TMEM165: variants seen among roughly 807,000 people sequenced by gnomAD.
TMEM165 encodes the protein transmembrane protein 165.
Under a neutral mutation model 30.0 loss-of-function variants are expected in TMEM165, and 19 were observed. The observed-to-expected ratio is 0.63, with a 90% CI of 0.44 to 0.93. The LOEUF (loss-of-function observed/expected upper bound fraction) is 0.93. Among genes scored for constraint, TMEM165 ranks in the 40% least tolerant of loss-of-function variants. The pLI, the probability that TMEM165 is intolerant of heterozygous loss-of-function variation, is 0.00. For synonymous variants in TMEM165, 168 were observed against 162.9 expected, an observed-to-expected ratio of 1.03 and a Z score of -0.24; for missense variants, 340 against 417.0, an observed-to-expected ratio of 0.82 and a Z score of 1.61.
At chr4:55,410,185 A>C (rs1056586764) in intron 1 of TMEM165, among the ~76,000 whole-genome samples, 3 of 152,148 alleles carry the variant, frequency 2.0e-5, no homozygotes, top group African/African-American at 7.2e-5. Context: ...GTTTTGGTTC[A>C]GTAACTTGCC....
At chr4:55,419,290 C>T (rs1367202170) in intron 4 of TMEM165, among the ~76,000 whole-genome samples, 7 of 152,086 alleles carry the variant, frequency 4.6e-5, no homozygotes, top group Non-Finnish European at 1.0e-4. Context: ...CTGCTCTGGC[C>T]TAGGTGACTT....
chr4:55,448,771 A>G (rs779307261), intron 3 of TMEM165: 4 of 1,611,924 alleles, frequency 2.5e-6, no homozygotes, highest in Non-Finnish European at 2.5e-6. Context: ...ACAAAAACCA[A>G]AAAGTACCTG....
intron 3 of TMEM165, chr4:55,444,861 T>C (rs550752570): frequency 1.3e-5 from 19 of 1,439,238 alleles, no homozygotes; most frequent in Middle Eastern, 1.8e-4. Context: ...ACATGAAAAG[T>C]AAGCAGTATA....
intron 3 of TMEM165, among the ~76,000 whole-genome samples, chr4:55,447,020 ACCT>A (rs1449799353): frequency 2.0e-5 from 3 of 151,842 alleles, no homozygotes; most frequent in Non-Finnish European, 4.4e-5. Context: ...AAAATTTAGT[ACCT>A]CAACTCCCTC....
At chr4:55,421,211 G>A (rs1721962616) in intron 4 of TMEM165, among the ~76,000 whole-genome samples, 1 of 139,270 alleles carries the variant, frequency 7.2e-6, no homozygotes, top group Non-Finnish European at 1.5e-5. Context: ...TACAAATAAA[G>A]ACTGGAAAGT....
rs780920936 is a variant in TMEM165, at chr4:55,425,414, T to C, written c.937T>C (p.Phe313Leu). The change falls in exon 6 of 6, where the codon TTT (phenylalanine) becomes CTT (leucine). Residue 313 changes from phenylalanine (F) to leucine (L), a missense_variant. Phe to Leu is a conservative substitution (Grantham distance 22). This residue lies in a region of TMEM165 where 220 missense variants were observed against 307.6 expected (regional missense o/e 0.72). Transcript: ENST00000381334. ...IGGIVFLAFAFSALFISPDSG... is the reference protein window; with the variant it reads ...IGGIVFLAFALSALFISPDSG... ...AGGCATCGTTTTTTTGGCGTTTGCA[T>C]TTTCTGCACTATTTATAAGCCCTGA... The C allele has an allele frequency of 6.2e-7, 1 of 1,613,558 alleles. No individual in the cohort carries two copies. The highest frequency in any genetic ancestry group is 8.5e-7 in the Non-Finnish European group (1 of 1,179,840).
intron 3 of TMEM165, among the ~76,000 whole-genome samples, chr4:55,436,846 G>C (rs1399097984): frequency 6.8e-6 from 1 of 147,784 alleles, no homozygotes; most frequent in Non-Finnish European, 1.5e-5. Flanking sequence ...TTTATGAGGG[G>C]TATTGCCTAT....
intron 3 of TMEM165, among the ~76,000 whole-genome samples, chr4:55,437,022 C>T (rs189508906): frequency 2.0e-5 from 3 of 150,794 alleles, no homozygotes; most frequent in African/African-American, 7.3e-5. Context: ...TCATTGGATA[C>T]ATTTTCCCTA....
At chr4:55,442,148 CAG>C (rs1723423094) in intron 3 of TMEM165, 1 of 373,656 alleles carries the variant, frequency 2.7e-6, no homozygotes, top group Non-Finnish European at 4.9e-6. Flanking sequence ...CACAGTGACA[CAG>C]AGCCTGTCAT....
intron 3 of TMEM165, among the ~76,000 whole-genome samples, chr4:55,442,104 T>C (rs1435033402): frequency 6.6e-6 from 1 of 152,132 alleles, no homozygotes; most frequent in Non-Finnish European, 1.5e-5. Flanking sequence ...TACATGGAAA[T>C]TCTCTAGCAT....
chr4:55,448,874 G>T (rs879318044), intron 3 of TMEM165: 1 of 1,607,418 alleles, frequency 6.2e-7, no homozygotes, highest in Non-Finnish European at 8.5e-7. Context: ...ATGGACTAGA[G>T]CAAAATAAAA....
intron 2 of TMEM165, among the ~76,000 whole-genome samples, chr4:55,413,154 G>GT (rs1314044488): frequency 5.3e-5 from 8 of 151,186 alleles, no homozygotes; most frequent in African/African-American, 1.9e-4. Flanking sequence ...TAAATTTTTT[G>GT]TTTTTTGTAG....
chr4:55,424,347 TTAAGTA>T (rs1239702724), intron 4 of TMEM165, 185 bp from the exon 5 acceptor site: 16 of 544,864 alleles, frequency 2.9e-5, no homozygotes, highest in Non-Finnish European at 5.2e-5. Flanking sequence ...AGGTCTAGTC[TTAAGTA>T]TAACTGGTAC....
intron 4 of TMEM165, chr4:55,423,890 T>A (rs200329230): frequency 0.012 from 1,855 of 152,644 alleles, 74 homozygotes; most frequent in East Asian, 0.08. Context: ...TGCAGCTGGT[T>A]GTCTGGTACT....
At position 55,396,069 on chromosome 4, in the gene TMEM165, T is replaced by C; in HGVS notation, c.-121T>C. On this transcript the variant is annotated 5_prime_UTR_variant, in exon 1 of 6. Transcript: ENST00000381334. ...GCACCTCCCGGATGGTGCTGACTGCTCCCTAAGCGGCGGCGGCGGCGAGTC... is the reference window on the plus strand; with the variant it reads ...GCACCTCCCGGATGGTGCTGACTGCCCCCTAAGCGGCGGCGGCGGCGAGTC... The C allele has an allele frequency of 1.3e-6, 1 of 781,182 alleles. No individual in the cohort carries two copies. Among genetic ancestry groups the C allele is most frequent in the African/African-American group, 1.9e-5 (1 of 53,764 alleles). The allele number at this position is 781,182 out of a possible 1,614,324, so 48.4% of individuals were successfully genotyped here. A position where few individuals can be genotyped will look rare whatever the true frequency, so the allele number is the denominator to read the frequency against.
chr4:55,444,674 T>C (rs1204502446), intron 3 of TMEM165: 3 of 1,614,132 alleles, frequency 1.9e-6, no homozygotes, highest in Non-Finnish European at 2.5e-6. Context: ...TGTTCTTGAA[T>C]TTTTCTTAGT....
At position 55,426,081 on chromosome 4, in the gene TMEM165, TAAAAG is replaced by T. The variant is rs1722186945; in HGVS notation, c.*631_*635del. The T allele has an allele frequency of 6.6e-6, 1 of 152,108 alleles. No homozygotes were observed. Among genetic ancestry groups the T allele is most frequent in the South Asian group, 2.1e-4 (1 of 4,826 alleles). The allele number at this position is 152,108 out of a possible 1,614,324, so 9.4% of individuals were successfully genotyped here. A position where few individuals can be genotyped will look rare whatever the true frequency, so the allele number is the denominator to read the frequency against. ...ATTTGACAATGTGGAATTACCAAATTAAAAGAGAATACTATGAATGTATTCATATT... is the reference window on the plus strand; with the variant it reads ...ATTTGACAATGTGGAATTACCAAATTAGAATACTATGAATGTATTCATATT... On this transcript the variant is annotated 3_prime_UTR_variant, in exon 6 of 6. Transcript: ENST00000381334.
intron 1 of TMEM165, among the ~76,000 whole-genome samples, chr4:55,404,942 A>G (rs1270812468): frequency 6.6e-6 from 1 of 152,216 alleles, no homozygotes; most frequent in Non-Finnish European, 1.5e-5. Flanking sequence ...AAATGCAACA[A>G]TGTGTCTGAA....
intron 3 of TMEM165, chr4:55,435,335 C>G (rs985933826): frequency 1.3e-6 from 2 of 1,543,244 alleles, no homozygotes; most frequent in African/African-American, 2.7e-5. Context: ...GGAACTTTCC[C>G]TCCTTTCCTC....
Sources: allele counts gnomAD v4.1 joint callset (sites outside exome capture counted in the v4.1 genomes callset), GRCh38; gene constraint gnomAD v4.1.1; regional missense constraint gnomAD v4.1.1; transcripts MANE v1.5; gene names NCBI Gene and HGNC (gene_info 2026-07-23, HGNC 2026-07-21).